The following ST7L variants were observed in gnomAD, a reference collection of about 807,000 sequenced individuals.
ST7L encodes the protein suppressor of tumorigenicity 7 protein-like.
A neutral mutation model predicts 72.5 loss-of-function variants in ST7L; 57 were observed. That is an observed-to-expected ratio of 0.79 (90% CI 0.64 to 0.98). The LOEUF is 0.98. ST7L is among the 50% of genes least tolerant of loss of function. The probability of loss-of-function intolerance (pLI) is 0.00; values close to 1 mark genes in which losing one functional copy is unlikely to be tolerated. For synonymous variants in ST7L, 221 were observed against 240.9 expected (o/e 0.92, Z 0.77); for missense variants, 576 against 672.2 (o/e 0.86, Z 1.58).
chr1:112,535,225 T>C (rs546976099), intron 14 of ST7L, among the ~76,000 whole-genome samples: 108 of 151,840 alleles, frequency 7.1e-4, no homozygotes, highest in African/African-American at 2.5e-3. Context: ...ATACAAAAAT[T>C]AGCCAGGCAT....
At position 112,527,768 on chromosome 1, in the gene ST7L, C is replaced by T. The variant is rs1459394663; in HGVS notation, c.1630-1657G>A. 3 of 152,424 alleles carry T rather than the reference C, an allele frequency of 2.0e-5. No homozygotes were observed. In the East Asian group the frequency reaches 5.8e-4, roughly 29 times the overall value. 9.4% of individuals were successfully genotyped at this position (152,424 alleles called of 1,614,324 possible). ...GATTGTCAAGCTAGAGGGTTAACTCCTTCCCAATTGTAGGGATCTATTCAG... is the reference window on the plus strand; with the variant it reads ...GATTGTCAAGCTAGAGGGTTAACTCTTTCCCAATTGTAGGGATCTATTCAG... On this transcript the variant is annotated intron_variant, in intron 14 of 14. Coordinates refer to ENST00000358039, the MANE Select transcript of ST7L (RefSeq NM_017744.5).
In ST7L at chr1:112,616,831, C is replaced by T; in HGVS notation, c.270G>A (p.Leu90=). Residue 90 remains leucine, a synonymous_variant, in exon 2 of 15, where the codon TTG becomes TTA. Coordinates refer to ENST00000358039, the MANE Select transcript of ST7L (RefSeq NM_017744.5). ...TACTTACAAATATTAGTCCTGATAT[C>T]AATGAAGAGGTCCCTGTAAGTGCCA... is the stretch of plus-strand genomic sequence containing the variant. The part of the protein sequence containing the change: ...FYVALTGTSS[L]ISGLIFIFEW... 6.2e-7 allele frequency: 1 copy of T among 1,603,140 alleles called. No individual in the cohort carries two copies. Among genetic ancestry groups the T allele is most frequent in the Non-Finnish European group, 8.5e-7 (1 of 1,174,756 alleles).
intron 12 of ST7L, among the ~76,000 whole-genome samples, chr1:112,553,886 T>C (rs1466963847): frequency 6.6e-6 from 1 of 152,194 alleles, no homozygotes; most frequent in Non-Finnish European, 1.5e-5. Context: ...TTATTATTTT[T>C]GAGACAAGGT....
Position 112,542,090 on chromosome 1 carries a change from G to A in ST7L, c.1490C>T (p.Thr497Ile). Residue 497 changes from threonine (T) to isoleucine (I), a missense_variant and splice_region_variant, in exon 14 of 15, where the codon ACC becomes ATC. This residue lies in a region of ST7L where 511 missense variants were observed against 600.7 expected (regional missense o/e 0.85). Coordinates refer to ENST00000358039, the MANE Select transcript of ST7L (RefSeq NM_017744.5). ...TGGGTAAACAGAAACATGATGAAAG[G>A]CTGCAATGGAGAATAGGTAAGAATC... ...TETADRELLPTFHHVSVYPKK... is the reference protein window; with the variant it reads ...TETADRELLPIFHHVSVYPKK... The A allele has an allele frequency of 1.2e-6, 2 of 1,604,736 alleles. No homozygotes were observed. The highest frequency in any genetic ancestry group is 1.7e-6 in the Non-Finnish European group (2 of 1,176,034).
At chr1:112,564,505 G>C (rs1230699576) in intron 11 of ST7L, among the ~76,000 whole-genome samples, 1 of 152,144 alleles carries the variant, frequency 6.6e-6, no homozygotes, top group Non-Finnish European at 1.5e-5. Flanking sequence ...GATATAAGTA[G>C]TTTAGCCAGT....
At chr1:112,528,636 G>A (rs976534262) in intron 14 of ST7L, 2 of 152,180 alleles carry the variant, frequency 1.3e-5, no homozygotes, top group African/African-American at 4.8e-5. Flanking sequence ...AGGCTTACAG[G>A]CCCAGAACCT....
Position 112,542,048 on chromosome 1 carries a change from A to T in ST7L, c.1532T>A (p.Leu511Ter). 6.2e-7 allele frequency: 1 copy of T among 1,612,970 alleles called. No individual in the cohort carries two copies. Among genetic ancestry groups the T allele is most frequent in the Non-Finnish European group, 8.5e-7 (1 of 1,179,658 alleles). Reference sequence around the variant, plus strand: ...AAATCCTGCTGTGAAATGGATGAACAAAGGAAGCTCCTTTTTTGGGTAAAC... The same window carrying T: ...AAATCCTGCTGTGAAATGGATGAACTAAGGAAGCTCCTTTTTTGGGTAAAC... ...VSVYPKKELP[L>*]FIHFTAGFCS... Residue 511 changes from leucine (L) to a stop codon, truncating the protein, a stop_gained, in exon 14 of 15, where the codon TTG becomes TAG. Coordinates refer to ENST00000358039, the MANE Select transcript of ST7L (RefSeq NM_017744.5). LOFTEE classifies it high-confidence loss of function.
At position 112,604,775 on chromosome 1, in the gene ST7L, TAAA is replaced by T. The variant is rs556388277; in HGVS notation, c.452-3930_452-3928del. Among the ~76,000 whole-genome samples the T allele has an allele frequency of 3.0e-3, 177 of 58,770 alleles. 1 individual carries two copies. The highest frequency in any genetic ancestry group is 9.8e-3 in the African/African-American group (133 of 13,632). 38.6% of individuals were successfully genotyped at this position (58,770 alleles called of 152,430 possible). ...CAACATAGTGAGGCCTTGTCTCTCTTAAAAAAAAAAAAAAAAAAAAAAAAAAAA... is the reference window on the plus strand; with the variant it reads ...CAACATAGTGAGGCCTTGTCTCTCTTAAAAAAAAAAAAAAAAAAAAAAAAA... On this transcript the variant is annotated intron_variant, in intron 3 of 14. Transcript: ENST00000358039.
chr1:112,593,201 G>C (rs932962993), intron 5 of ST7L, among the ~76,000 whole-genome samples: 1 of 151,668 alleles, frequency 6.6e-6, no homozygotes, highest in African/African-American at 2.4e-5. Flanking sequence ...GCTCTACCTA[G>C]CCTTTCAAGA....
rs551855033 is a variant in ST7L at position 112,567,534 on chromosome 1, TTTCAAAGATAGTC to T, written c.1245+9439_1245+9451del. Among the ~76,000 whole-genome samples the T allele has an allele frequency of 2.2e-3, 328 of 152,298 alleles. 2 individuals are homozygous for T. Among genetic ancestry groups the T allele is most frequent in the African/African-American group, 6.8e-3 (281 of 41,576 alleles). Reference sequence around the variant, plus strand: ...TAGGAAATCTTTCTTTACCCCCAGCTTTCAAAGATAGTCTTAGATGTTTTGGTCTAGATGTTGT... The same window carrying T: ...TAGGAAATCTTTCTTTACCCCCAGCTTTAGATGTTTTGGTCTAGATGTTGT... On this transcript the variant is annotated intron_variant, in intron 11 of 14. Coordinates refer to ENST00000358039, the MANE Select transcript of ST7L (RefSeq NM_017744.5).
intron 13 of ST7L, among the ~76,000 whole-genome samples, chr1:112,549,199 C>A (rs1657678218): frequency 1.3e-5 from 2 of 152,066 alleles, no homozygotes; most frequent in Non-Finnish European, 2.9e-5. Flanking sequence ...TTGCAACCAG[C>A]CTGGGCAACA....
At chr1:112,517,878 T>C in the ST7L span, 1 of 157,602 alleles carries the variant, frequency 6.3e-6, no homozygotes, top group East Asian at 1.8e-4. Flanking sequence ...CCTTGAAGTG[T>C]AGGGAGTATC....
downstream of ST7L, chr1:112,521,277 T>C (rs1166799270): frequency 6.6e-6 from 1 of 151,580 alleles, no homozygotes; most frequent in Non-Finnish European, 1.5e-5. Context: ...CTAGGATAGA[T>C]TAATGTAGTA....
chr1:112,619,418 G>A, upstream of ST7L: 1 of 535,732 alleles, frequency 1.9e-6, no homozygotes, highest in Non-Finnish European at 3.3e-6. Context: ...CCCCCCCCCC[G>A]GGGTTGGAAA....
chr1:112,606,915 G>C (rs573550774), intron 3 of ST7L, among the ~76,000 whole-genome samples: 1 of 152,230 alleles, frequency 6.6e-6, no homozygotes, highest in East Asian at 1.9e-4. Flanking sequence ...AAAAACCCTA[G>C]CTCCTAATAC....
At chr1:112,519,624 C>T (rs1358363571), downstream of ST7L, among the ~76,000 whole-genome samples, 1 of 152,044 alleles carries the variant, frequency 6.6e-6, no homozygotes, top group African/African-American at 2.4e-5. Flanking sequence ...AGGGATAATG[C>T]TTAGGGATAA....
downstream of ST7L, chr1:112,521,716 A>G (rs1652892700): frequency 6.6e-6 from 1 of 152,178 alleles, no homozygotes; most frequent in South Asian, 2.1e-4. Flanking sequence ...TTAATGGGTA[A>G]TGCTATTACC....
rs558247829 is a variant in ST7L at position 112,571,605 on chromosome 1, T to C, written c.1245+5381A>G. On this transcript the variant is annotated intron_variant, in intron 11 of 14. Transcript: ENST00000358039. ...CCAGGCCTGGCTAATTTTGTATTTT[T>C]AGTAGAGATGGGGTTTCTCCATGTT... is the stretch of plus-strand genomic sequence containing the variant. Among the ~76,000 whole-genome samples, 3 of 152,244 alleles carry C rather than the reference T, an allele frequency of 2.0e-5. No individual in the cohort carries two copies. In the East Asian group the frequency reaches 5.8e-4, roughly 29 times the overall value.
chr1:112,565,881 T>G (rs1283550271), intron 11 of ST7L, among the ~76,000 whole-genome samples: 5 of 151,932 alleles, frequency 3.3e-5, no homozygotes, highest in African/African-American at 1.2e-4. Context: ...CTCCGTGGCA[T>G]GCACCTGTAG....
Sources: allele counts gnomAD v4.1 joint callset (sites outside exome capture counted in the v4.1 genomes callset), GRCh38; gene constraint gnomAD v4.1.1; regional missense constraint gnomAD v4.1.1; transcripts MANE v1.5; gene names NCBI Gene and HGNC (gene_info 2026-07-23, HGNC 2026-07-21).